PPP4R3A: variants seen among roughly 807,000 people sequenced by gnomAD.
PPP4R3A encodes the protein serine/threonine-protein phosphatase 4 regulatory subunit 3A.
PPP4R3A carries 15 observed loss-of-function variants against 91.7 expected under a neutral mutation model. The ratio of observed to expected loss-of-function variants is 0.16; its 90% CI spans 0.11 to 0.25. The LOEUF is 0.25. PPP4R3A is among the 10% of genes least tolerant of loss of function. The pLI, the probability that PPP4R3A is intolerant of heterozygous loss-of-function variation, is 1.00. For synonymous variants in PPP4R3A, 377 were observed against 348.7 expected, an observed-to-expected ratio of 1.08 and a Z score of -0.91; for missense variants, 623 against 998.4, an observed-to-expected ratio of 0.62 and a Z score of 5.07.
rs187908692 is a variant in PPP4R3A at position 91,496,307 on chromosome 14, A to C, written c.143-5505T>G. On this transcript the variant is annotated intron_variant, in intron 1 of 14. Transcript: ENST00000554943. ...TTTTGATGTATTATACTGCAATTCA[A>C]AAGTTTTTTTAAGTTTAAGAAGTCA... 7.9e-4 allele frequency among the ~76,000 whole-genome samples: 120 copies of C among 152,298 alleles called. 2 individuals carry two copies. The highest frequency in any genetic ancestry group is 2.9e-3 in the African/African-American group (119 of 41,552).
chr14:91,498,360 T>C (rs1890716285), intron 1 of PPP4R3A, among the ~76,000 whole-genome samples: 1 of 152,178 alleles, frequency 6.6e-6, no homozygotes, highest in Non-Finnish European at 1.5e-5. Context: ...GACACTCTTC[T>C]CATTAAACTC....
chr14:91,477,107 T>G, intron 4 of PPP4R3A, 121 bp from the exon 5 acceptor site: 1 of 559,918 alleles, frequency 1.8e-6, no homozygotes, highest in Non-Finnish European at 2.6e-6. Context: ...TTGGCAATGC[T>G]GTCTTTTTTT....
At chr14:91,475,627 T>C (rs949970704) in intron 7 of PPP4R3A, 184 bp downstream of exon 7, 5 of 501,608 alleles carry the variant, frequency 1.0e-5, no homozygotes, top group South Asian at 3.5e-5. Flanking sequence ...TAAATGAACA[T>C]AAATAGTTGC....
intron 10 of PPP4R3A, 78 bp from the exon 11 acceptor site, chr14:91,465,497 C>A: frequency 7.4e-7 from 1 of 1,344,794 alleles, no homozygotes; most frequent in Non-Finnish European, 9.9e-7. Context: ...AAATAACCAT[C>A]AAACCAAAAA....
At position 91,490,813 on chromosome 14, in the gene PPP4R3A, G is replaced by A. The variant is rs752799325; in HGVS notation, c.143-11C>T. 22 of 1,590,876 alleles carry A rather than the reference G, an allele frequency of 1.4e-5. No individual in the cohort carries two copies. Among genetic ancestry groups the A allele is most frequent in the Middle Eastern group, 1.9e-4 (1 of 5,210 alleles). ...CTAAAAGTAGAGAACCTAGGAAACA[G>A]AAAAAGACATTCCATTATGTTACTG... On this transcript the variant is annotated splice_polypyrimidine_tract_variant and intron_variant, in intron 1 of 14. Transcript: ENST00000554943.
chr14:91,479,249 C>T (rs1353698572), intron 4 of PPP4R3A, among the ~76,000 whole-genome samples: 2 of 151,070 alleles, frequency 1.3e-5, no homozygotes, highest in Non-Finnish European at 2.9e-5. Context: ...TCCCAAAGAC[C>T]TATTATTCTT....
intron 14 of PPP4R3A, among the ~76,000 whole-genome samples, chr14:91,459,411 C>CA (rs1450305296): frequency 1.3e-5 from 2 of 151,716 alleles, no homozygotes; most frequent in Non-Finnish European, 2.9e-5. Flanking sequence ...CAAACTAAAG[C>CA]AAAAAAATTT....
At chr14:91,490,844 C>A in intron 1 of PPP4R3A, 42 bp from the exon 2 acceptor site, 2 of 1,351,638 alleles carry the variant, frequency 1.5e-6, no homozygotes, top group Admixed American at 2.0e-5. Flanking sequence ...TACTGTAAAA[C>A]AGCAAAATTA....
intron 1 of PPP4R3A, among the ~76,000 whole-genome samples, chr14:91,497,520 G>A (rs763434341): frequency 2.0e-5 from 3 of 152,268 alleles, no homozygotes; most frequent in East Asian, 1.9e-4. Flanking sequence ...TGAAAATCAA[G>A]AGAGTGCTCA....
intron 1 of PPP4R3A, 88 bp from the exon 2 acceptor site, chr14:91,490,890 AAT>A (rs1224199666): frequency 2.4e-4 from 157 of 644,262 alleles, no homozygotes; most frequent in Non-Finnish European, 2.5e-4. Flanking sequence ...CCTTAAAAAA[AAT>A]AATAATAATT....
chr14:91,459,411 C>T (rs1887984119), intron 14 of PPP4R3A, among the ~76,000 whole-genome samples: 1 of 151,716 alleles, frequency 6.6e-6, no homozygotes, highest in East Asian at 1.9e-4. Context: ...CAAACTAAAG[C>T]AAAAAAATTT....
chr14:91,509,745 G>T lies in PPP4R3A; in HGVS notation c.-98C>A. On this transcript the variant is annotated 5_prime_UTR_variant, in exon 1 of 15. Coordinates refer to ENST00000554943, the MANE Select transcript of PPP4R3A (RefSeq NM_001366432.2). The stretch of plus-strand genomic sequence containing the variant: ...GCGAGGCGTGAGGGCGCCCGCGAGC[G>T]GAGGGCTCCCCGGCCTCACTGCCGC... The T allele has an allele frequency of 7.3e-7, 1 of 1,375,620 alleles. No homozygotes were observed. 85.2% of individuals were successfully genotyped at this position (1,375,620 alleles called of 1,614,324 possible).
chr14:91,490,900 A>T (rs931708747), intron 1 of PPP4R3A, 98 bp from the exon 2 acceptor site: 14 of 278,848 alleles, frequency 5.0e-5, no homozygotes, highest in East Asian at 4.6e-4. Flanking sequence ...AATAATAATA[A>T]TTTTTTTTTT....
chr14:91,459,480 G>C (rs1447233165), intron 14 of PPP4R3A, among the ~76,000 whole-genome samples: 3 of 152,080 alleles, frequency 2.0e-5, no homozygotes, highest in Non-Finnish European at 2.9e-5. Flanking sequence ...AAAAATGTTT[G>C]TTTCAAGACT....
chr14:91,472,085 A>T (rs1663793256), intron 9 of PPP4R3A, among the ~76,000 whole-genome samples: 1 of 151,586 alleles, frequency 6.6e-6, no homozygotes, highest in Non-Finnish European at 1.5e-5. Context: ...AAAAAAAAAA[A>T]AAATTCCAAT....
intron 11 of PPP4R3A, among the ~76,000 whole-genome samples, chr14:91,463,613 A>T (rs1272338223): frequency 6.6e-6 from 1 of 151,820 alleles, no homozygotes; most frequent in African/African-American, 2.4e-5. Flanking sequence ...TTTAACAAAA[A>T]ATTTTTGTAG....
intron 1 of PPP4R3A, among the ~76,000 whole-genome samples, chr14:91,498,124 C>T (rs560254817): frequency 3.3e-4 from 51 of 152,242 alleles, no homozygotes; most frequent in Admixed American, 2.3e-3. Flanking sequence ...CACTTGATGT[C>T]AGGAATTCGA....
At chr14:91,509,419 G>A in intron 1 of PPP4R3A, 87 bp downstream of exon 1, 1 of 1,516,580 alleles carries the variant, frequency 6.6e-7, no homozygotes, top group Admixed American at 2.0e-5. Context: ...TGTTCTCGTG[G>A]AGCGAGCGCC....
chr14:91,507,480 GTTA>G (rs1222714720), intron 1 of PPP4R3A, among the ~76,000 whole-genome samples: 1 of 99,154 alleles, frequency 1.0e-5, no homozygotes, highest in East Asian at 4.3e-4. Context: ...ATATACTATA[GTTA>G]TATATACTAT....
Sources: gnomAD v4.1 joint callset for allele counts (sites outside exome capture counted in the v4.1 genomes callset) on GRCh38, gnomAD v4.1.1 for gene constraint, MANE v1.5 for transcripts, NCBI Gene and HGNC (gene_info 2026-07-23, HGNC 2026-07-21) for gene names.